INSR: variants seen among roughly 807,000 people sequenced by gnomAD.
INSR encodes IR.
INSR carries 67 observed loss-of-function variants against 142.6 expected under a neutral mutation model. That is an observed-to-expected ratio of 0.47 (90% confidence interval 0.39 to 0.58). The LOEUF (loss-of-function observed/expected upper bound fraction) is 0.58, where lower values mean the gene tolerates loss of function less well. INSR is among the 20% of genes least tolerant of loss of function. INSR has a pLI of 0.00. For missense variants in INSR, 1,248 were observed against 1,833.2 expected (o/e 0.68, Z 5.83); for synonymous variants, 756 against 743.1 (o/e 1.02, Z -0.28).
intron 16 of INSR, 121 bp downstream of exon 16, chr19:7,126,463 G>A (rs1972648070): frequency 3.4e-6 from 3 of 883,412 alleles, no homozygotes; most frequent in Non-Finnish European, 5.5e-6. Context: ...AAGCTCAAAT[G>A]AATAAGAGGG....
chr19:7,269,861 G>A (rs78628227), intron 1 of INSR, among the ~76,000 whole-genome samples: 2,271 of 149,272 alleles, frequency 0.015, 62 homozygotes, highest in African/African-American at 0.052. Flanking sequence ...TTTCAGATAA[G>A]CAATAATACC....
chr19:7,151,180 CTTT>C (rs1275706672), intron 10 of INSR, among the ~76,000 whole-genome samples: 1 of 12,828 alleles, frequency 7.8e-5, no homozygotes, highest in Non-Finnish European at 4.9e-4. Context: ...TTCTTTCTTT[CTTT>C]CTTTCTTTCT....
At chr19:7,200,385 A>G (rs1974919128) in intron 2 of INSR, among the ~76,000 whole-genome samples, 1 of 152,156 alleles carries the variant, frequency 6.6e-6, no homozygotes, top group African/African-American at 2.4e-5. Flanking sequence ...CCAAAAAGAC[A>G]GGTGCTCACA....
intron 9 of INSR, among the ~76,000 whole-genome samples, chr19:7,156,214 C>G (rs1285542857): frequency 6.6e-6 from 1 of 151,618 alleles, no homozygotes; most frequent in Non-Finnish European, 1.5e-5. Flanking sequence ...GCGCCTGCCA[C>G]CACCCTGGCT....
At chr19:7,190,218 AG>A (rs1157420786) in intron 2 of INSR, among the ~76,000 whole-genome samples, 8 of 152,014 alleles carry the variant, frequency 5.3e-5, no homozygotes, top group Non-Finnish European at 1.0e-4. Flanking sequence ...TCATCCCCAA[AG>A]ATTACAGTTT....
intron 2 of INSR, among the ~76,000 whole-genome samples, chr19:7,251,089 C>T (rs1012393001): frequency 2.0e-5 from 3 of 151,950 alleles, no homozygotes; most frequent in Admixed American, 1.3e-4. Flanking sequence ...GGACGTTGAA[C>T]GGCATCCCTG....
Position 7,150,482 on chromosome 19 carries a change from A to G in INSR, c.2267+15T>C. On this transcript the variant is annotated intron_variant, in intron 11 of 21. Transcript: ENST00000302850. This position sits in a 1 kb window ranked among gnomAD's most constrained non-coding sequence, Gnocchi z 4.2. ...GCGCGGAGCAGGCACCAGGGGTCGCACAGGTGAGTCATACCTAGGGTCCTC... is the reference window on the plus strand; with the variant it reads ...GCGCGGAGCAGGCACCAGGGGTCGCGCAGGTGAGTCATACCTAGGGTCCTC... 6.2e-7 allele frequency: 1 copy of G among 1,613,546 alleles called. No homozygotes were observed.
chr19:7,221,974 A>G (rs967122181), intron 2 of INSR, among the ~76,000 whole-genome samples: 3 of 151,976 alleles, frequency 2.0e-5, no homozygotes, highest in Admixed American at 6.6e-5. Flanking sequence ...ATTGAGCACC[A>G]ACTGTTTACA....
intron 2 of INSR, among the ~76,000 whole-genome samples, chr19:7,196,934 T>C (rs1461175130): frequency 1.3e-5 from 2 of 152,144 alleles, no homozygotes; most frequent in Non-Finnish European, 2.9e-5. Context: ...CTCCTTAAAG[T>C]AATTTATTTT....
intron 2 of INSR, among the ~76,000 whole-genome samples, chr19:7,264,142 C>T (rs1449989637): frequency 2.7e-5 from 4 of 149,322 alleles, no homozygotes; most frequent in African/African-American, 9.9e-5. Context: ...GCACTCCAGC[C>T]TGGGCAACAA....
chr19:7,262,739 C>T (rs1232732717), intron 2 of INSR, among the ~76,000 whole-genome samples: 1 of 152,174 alleles, frequency 6.6e-6, no homozygotes, highest in African/African-American at 2.4e-5. Context: ...GTGAAATAAG[C>T]CAGGCACAAA....
intron 8 of INSR, among the ~76,000 whole-genome samples, chr19:7,164,092 TAAAAAAAAAAAA>T (rs4031077): frequency 1.2e-5 from 1 of 80,276 alleles, no homozygotes; most frequent in South Asian, 6.2e-4. Flanking sequence ...GAAACTCCGT[TAAAAAAAAAAAA>T]AAAAAAAAAA....
intron 2 of INSR, among the ~76,000 whole-genome samples, chr19:7,204,473 G>C (rs1975051490): frequency 6.6e-6 from 1 of 152,158 alleles, no homozygotes; most frequent in African/African-American, 2.4e-5. Flanking sequence ...ATATACCTCA[G>C]ACACTGCTAT....
intron 2 of INSR, among the ~76,000 whole-genome samples, chr19:7,206,131 G>A (rs781227713): frequency 2.6e-5 from 4 of 152,132 alleles, no homozygotes; most frequent in Non-Finnish European, 5.9e-5. Context: ...TATTTCATGG[G>A]AAGAGAGGGT....
intron 11 of INSR, among the ~76,000 whole-genome samples, chr19:7,146,247 T>C (rs1167501979): frequency 2.0e-5 from 3 of 148,648 alleles, no homozygotes; most frequent in Non-Finnish European, 4.5e-5. Flanking sequence ...TTTTTTTTTT[T>C]TTTTTTTTTT....
Position 7,149,559 on chromosome 19 carries a change from C to A in INSR, c.2267+938G>T, listed in dbSNP as rs1037356218. Among the ~76,000 whole-genome samples the A allele has an allele frequency of 2.0e-5, 3 of 152,236 alleles. No individual in the cohort carries two copies. The East Asian group carries it at 5.8e-4, about 30-fold the overall frequency. ...GTCCCTGGCCAGGGGCGGTGGCTCA[C>A]GCCTGTAATTCCAGCACTTTGGGAG... is the stretch of plus-strand genomic sequence containing the variant. On this transcript the variant is annotated intron_variant, in intron 11 of 21. Transcript: ENST00000302850.
At chr19:7,163,517 G>A (rs1195200886) in intron 8 of INSR, among the ~76,000 whole-genome samples, 7 of 151,454 alleles carry the variant, frequency 4.6e-5, no homozygotes, top group East Asian at 3.9e-4. Context: ...CCGAGATTGC[G>A]CCACTGCACT....
In INSR at chr19:7,119,605, A is replaced by T. The variant is rs1972426252; in HGVS notation, c.3660-22T>A. 6.2e-7 allele frequency: 1 copy of T among 1,613,530 alleles called. No homozygotes were observed. Among genetic ancestry groups the T allele is most frequent in the Non-Finnish European group, 8.5e-7 (1 of 1,179,978 alleles). On this transcript the variant is annotated intron_variant, in intron 20 of 21. Coordinates refer to ENST00000302850, the MANE Select transcript of INSR (RefSeq NM_000208.4). The surrounding 1 kb of genome is among the most constrained non-coding windows in gnomAD (Gnocchi z 5.2). ...GGACCTGCCGATGACAGTTGATAGT[A>T]GTAACAAAGAAGCCATTTAGACACA...
At position 7,112,503 on chromosome 19, in the gene INSR, G is replaced by A. The variant is rs1972231486; in HGVS notation, c.*4553C>T. 6.6e-6 allele frequency: 1 copy of A among 152,180 alleles called. No homozygotes were observed. Among genetic ancestry groups the A allele is most frequent in the Admixed American group, 6.5e-5 (1 of 15,278 alleles). 9.4% of individuals were successfully genotyped at this position (152,180 alleles called of 1,614,324 possible). ...CAACGCACAGGGCCGAGGCCACCCAGGCACACAAAGGGACGAGGAGAAGCA... is the reference window on the plus strand; with the variant it reads ...CAACGCACAGGGCCGAGGCCACCCAAGCACACAAAGGGACGAGGAGAAGCA... On this transcript the variant is annotated 3_prime_UTR_variant, in exon 22 of 22. Transcript: ENST00000302850.
Sources: allele counts gnomAD v4.1 joint callset (sites outside exome capture counted in the v4.1 genomes callset), GRCh38; gene constraint gnomAD v4.1.1; non-coding constraint Gnocchi (gnomAD v3.1); transcripts MANE v1.5; gene names NCBI Gene and HGNC (gene_info 2026-07-23, HGNC 2026-07-21).